PTPRD: variants seen among roughly 807,000 people sequenced by gnomAD.
PTPRD encodes the protein protein tyrosine phosphatase receptor type D.
Under a neutral mutation model 214.5 loss-of-function variants are expected in PTPRD, and 34 were observed. That is an observed-to-expected ratio of 0.16 (90% CI 0.12 to 0.21). PTPRD has a LOEUF of 0.21. PTPRD is among the 10% of genes least tolerant of loss of function. The pLI is 1.00. For synonymous variants in PTPRD, 1,128 were observed against 845.7 expected (o/e 1.33, Z -5.79); for missense variants, 2,545 against 2,398.7 (o/e 1.06, Z -1.27).
At chr9:9,336,839 G>T (rs986642749) in intron 9 of PTPRD, among the ~76,000 whole-genome samples, 2 of 152,018 alleles carry the variant, frequency 1.3e-5, no homozygotes, top group African/African-American at 4.8e-5. Context: ...TCATCTTTGT[G>T]ATAGTTTATA....
At chr9:9,014,197 T>TC (rs1569401319) in intron 11 of PTPRD, among the ~76,000 whole-genome samples, 1 of 134,092 alleles carries the variant, frequency 7.5e-6, no homozygotes, top group Non-Finnish European at 1.6e-5. Flanking sequence ...GTTTGTTTGT[T>TC]TGTTTTTTTT....
chr9:8,432,772 T>A (rs748152787), intron 35 of PTPRD, among the ~76,000 whole-genome samples: 40 of 152,192 alleles, frequency 2.6e-4, no homozygotes, highest in Non-Finnish European at 4.1e-4. Flanking sequence ...CTTAAACATC[T>A]CCTTCATGCC....
At chr9:8,478,930 A>G (rs2096824086) in intron 30 of PTPRD, among the ~76,000 whole-genome samples, 2 of 152,200 alleles carry the variant, frequency 1.3e-5, no homozygotes, top group African/African-American at 4.8e-5. Context: ...GGTCAAGAAA[A>G]CAGGTGTCAA....
intron 3 of PTPRD, among the ~76,000 whole-genome samples, chr9:10,250,168 T>C (rs2092638147): frequency 6.6e-6 from 1 of 152,184 alleles, no homozygotes; most frequent in Non-Finnish European, 1.5e-5. Flanking sequence ...CATTTATTGT[T>C]TTAAAGCATT....
At chr9:9,889,432 T>G (rs994731049) in intron 5 of PTPRD, among the ~76,000 whole-genome samples, 1 of 152,122 alleles carries the variant, frequency 6.6e-6, no homozygotes, top group Non-Finnish European at 1.5e-5. Context: ...TAAATAAATA[T>G]AGAAGTCCTC....
chr9:9,303,187 T>C (rs1956057576), intron 9 of PTPRD, among the ~76,000 whole-genome samples: 1 of 152,046 alleles, frequency 6.6e-6, no homozygotes, highest in African/African-American at 2.4e-5. Flanking sequence ...CAGACTTTCT[T>C]TGCCTTCAGT....
At chr9:8,712,094 A>T (rs189070716) in intron 12 of PTPRD, among the ~76,000 whole-genome samples, 2 of 152,310 alleles carry the variant, frequency 1.3e-5, no homozygotes, top group African/African-American at 2.4e-5. Flanking sequence ...CTCTATATAA[A>T]TTTTTTTAAA....
At chr9:10,098,375 G>C (rs1378112522) in intron 3 of PTPRD, among the ~76,000 whole-genome samples, 1 of 151,108 alleles carries the variant, frequency 6.6e-6, no homozygotes, top group African/African-American at 2.4e-5. Flanking sequence ...GATAGCATTA[G>C]GAGATATACC....
chr9:10,445,679 G>A (rs2098793704), intron 2 of PTPRD, among the ~76,000 whole-genome samples: 1 of 152,018 alleles, frequency 6.6e-6, no homozygotes, highest in East Asian at 1.9e-4. Context: ...CTTGAGAACA[G>A]TGGCTGAGCA....
chr9:8,834,412 A>G (rs2097367823), intron 11 of PTPRD, among the ~76,000 whole-genome samples: 1 of 128,180 alleles, frequency 7.8e-6, no homozygotes, highest in African/African-American at 3.1e-5. Flanking sequence ...CTATACAAAA[A>G]TAGTCTCTTT....
chr9:9,034,066 T>C (rs780751716), intron 10 of PTPRD, among the ~76,000 whole-genome samples: 6 of 152,112 alleles, frequency 3.9e-5, no homozygotes, highest in Non-Finnish European at 7.4e-5. Context: ...TATTACTCTT[T>C]AGCCACAGGG....
At chr9:10,491,078 G>C (rs2040058411) in intron 2 of PTPRD, among the ~76,000 whole-genome samples, 1 of 152,072 alleles carries the variant, frequency 6.6e-6, no homozygotes, top group Non-Finnish European at 1.5e-5. Flanking sequence ...GCAAAGAGTT[G>C]AACTGCCTTG....
intron 9 of PTPRD, among the ~76,000 whole-genome samples, chr9:9,251,532 T>G (rs2099975482): frequency 6.6e-6 from 1 of 152,124 alleles, no homozygotes; most frequent in Non-Finnish European, 1.5e-5. Context: ...GGTGTTTCTC[T>G]GTCAATTGAC....
intron 7 of PTPRD, among the ~76,000 whole-genome samples, chr9:9,584,249 C>A (rs2091466966): frequency 6.6e-6 from 1 of 151,634 alleles, no homozygotes; most frequent in Non-Finnish European, 1.5e-5. Flanking sequence ...CCCTTAATCT[C>A]CCCTCACTCA....
chr9:8,405,331 T>C (rs1173353601), intron 35 of PTPRD, among the ~76,000 whole-genome samples: 1 of 152,132 alleles, frequency 6.6e-6, no homozygotes, highest in Admixed American at 6.6e-5. Flanking sequence ...TTATATATTT[T>C]CTATTTATTA....
At chr9:8,898,099 T>G (rs1006021100) in intron 11 of PTPRD, among the ~76,000 whole-genome samples, 5 of 152,104 alleles carry the variant, frequency 3.3e-5, no homozygotes, top group Non-Finnish European at 7.4e-5. Context: ...CCCTAGACAC[T>G]CTCTTTCCTG....
At chr9:8,642,319 T>A (rs539831565) in intron 12 of PTPRD, among the ~76,000 whole-genome samples, 1 of 152,342 alleles carries the variant, frequency 6.6e-6, no homozygotes, top group African/African-American at 2.4e-5. Flanking sequence ...TGTAACGAAT[T>A]GGCTTTGTTT....
chr9:10,186,394 T>C (rs2099330352), intron 3 of PTPRD, among the ~76,000 whole-genome samples: 1 of 152,130 alleles, frequency 6.6e-6, no homozygotes, highest in Non-Finnish European at 1.5e-5. Flanking sequence ...TGATTTCAGT[T>C]CTTAAATGAC....
At position 10,509,557 on chromosome 9, in the gene PTPRD, T is replaced by TTATATTTATATATATATATATA. The variant is rs1246261539; in HGVS notation, c.-600+102840_-600+102841insTATATATATATATATAAATATA. On this transcript the variant is annotated intron_variant, in intron 2 of 45. Coordinates refer to ENST00000381196, the MANE Select transcript of PTPRD (RefSeq NM_002839.4). ...TAAATATATTTACATTTAATAAATATTATATATATATATATATATATATTT... is the reference window on the plus strand; with the variant it reads ...TAAATATATTTACATTTAATAAATATTATATTTATATATATATATATATATATATATATATATATATATATTT... Among the ~76,000 whole-genome samples the TTATATTTATATATATATATATA allele has an allele frequency of 8.0e-3, 849 of 106,636 alleles. 15 individuals are homozygous for TTATATTTATATATATATATATA. Among genetic ancestry groups the TTATATTTATATATATATATATA allele is most frequent in the Middle Eastern group, 0.011 (2 of 190 alleles). 70.0% of individuals were successfully genotyped at this position (106,636 alleles called of 152,430 possible).
Sources: gnomAD v4.1 joint callset for allele counts (sites outside exome capture counted in the v4.1 genomes callset) on GRCh38, gnomAD v4.1.1 for gene constraint, MANE v1.5 for transcripts, NCBI Gene and HGNC (gene_info 2026-07-23, HGNC 2026-07-21) for gene names.